The following VKORC1L1 variants were observed in gnomAD, a reference collection of about 807,000 sequenced individuals.
VKORC1L1 encodes the protein vitamin K epoxide reductase complex subunit 1L1.
In VKORC1L1, 2 loss-of-function variants were observed where a neutral mutation model predicts 18.9. The observed-to-expected ratio is 0.11, with a 90% CI of 0.04 to 0.33. VKORC1L1 has a LOEUF of 0.33. Among genes scored for constraint, VKORC1L1 ranks in the 10% least tolerant of loss-of-function variants. VKORC1L1 has a pLI of 1.00. For synonymous variants in VKORC1L1, 96 were observed against 100.0 expected, an observed-to-expected ratio of 0.96 and a Z score of 0.24; for missense variants, 123 against 224.1, an observed-to-expected ratio of 0.55 and a Z score of 2.88.
Position 65,873,260 on chromosome 7 carries a change from TGGCGGC to T in VKORC1L1, c.-103_-98del. The T allele has an allele frequency of 1.1e-6, 1 of 916,454 alleles. No individual in the cohort carries two copies. Among genetic ancestry groups the T allele is most frequent in the Non-Finnish European group, 1.3e-6 (1 of 783,348 alleles). 56.8% of individuals were successfully genotyped at this position (916,454 alleles called of 1,614,324 possible). ...GGCGCGGCGGCGGCGGCGGCGGTGG[TGGCGGC>T]GGCGGCGGAGGCGGCGGTGGCGGCG... is the stretch of plus-strand genomic sequence containing the variant. On this transcript the variant is annotated 5_prime_UTR_variant, in exon 1 of 3. Coordinates refer to ENST00000360768, the MANE Select transcript of VKORC1L1 (RefSeq NM_173517.6).
intron 2 of VKORC1L1, among the ~76,000 whole-genome samples, chr7:65,953,357 T>C (rs1211679414): frequency 6.6e-6 from 1 of 152,198 alleles, no homozygotes; most frequent in Non-Finnish European, 1.5e-5. Flanking sequence ...ATGGGCAGGA[T>C]GTAGTGAAAG....
chr7:65,938,480 T>G (rs1211054244), intron 1 of VKORC1L1, among the ~76,000 whole-genome samples: 2 of 152,182 alleles, frequency 1.3e-5, no homozygotes, highest in African/African-American at 4.8e-5. Context: ...TAATGTGAAT[T>G]TCTGCATTGA....
rs1375225699 is a variant in VKORC1L1 at position 65,873,214 on chromosome 7, A to G, written c.-158A>G. The G allele has an allele frequency of 4.5e-6, 4 of 888,434 alleles. No individual in the cohort carries two copies. The highest frequency in any genetic ancestry group is 5.4e-6 in the Non-Finnish European group (4 of 743,542). The allele number at this position is 888,434 out of a possible 1,614,324, so 55.0% of individuals were successfully genotyped here. A position where few individuals can be genotyped will look rare whatever the true frequency, so the allele number is the denominator to read the frequency against. On this transcript the variant is annotated 5_prime_UTR_variant, in exon 1 of 3. Transcript: ENST00000360768. ...GCGCGCCTGTGGGGGCGGGGCCCGGAGCAGGCCACCGAGCCAATGGGGCGC... is the reference window on the plus strand; with the variant it reads ...GCGCGCCTGTGGGGGCGGGGCCCGGGGCAGGCCACCGAGCCAATGGGGCGC...
intron 1 of VKORC1L1, among the ~76,000 whole-genome samples, chr7:65,895,514 TATACACAC>T (rs1216750398): frequency 2.6e-5 from 2 of 77,470 alleles, no homozygotes; most frequent in South Asian, 5.5e-4. Flanking sequence ...TATATATATA[TATACACAC>T]ACACACACAC....
In VKORC1L1 at chr7:65,955,898, T is replaced by C. The variant is rs1033919966; in HGVS notation, c.*1598T>C. ...AGGGGACGGGCTCTGCTCTGTAAAC[T>C]CAAATGTGTAGAGTCAGCAACAATT... On this transcript the variant is annotated 3_prime_UTR_variant, in exon 3 of 3. Transcript: ENST00000360768. The C allele has an allele frequency of 6.6e-6, 1 of 152,196 alleles. No homozygotes were observed. The highest frequency in any genetic ancestry group is 2.4e-5 in the African/African-American group (1 of 41,448). 9.4% of individuals were successfully genotyped at this position (152,196 alleles called of 1,614,324 possible).
chr7:65,951,600 A>G (rs1267825542), intron 2 of VKORC1L1, among the ~76,000 whole-genome samples: 4 of 151,732 alleles, frequency 2.6e-5, no homozygotes, highest in African/African-American at 7.3e-5. Flanking sequence ...ATATATATAC[A>G]TATATAAAAT....
At chr7:65,896,530 CCCTCCCTCCCTCCCTT>C (rs1372301169) in intron 1 of VKORC1L1, among the ~76,000 whole-genome samples, 2 of 144,430 alleles carry the variant, frequency 1.4e-5, no homozygotes, top group African/African-American at 5.1e-5. Flanking sequence ...TCCTATCTTC[CCCTCCCTCCCTCCCTT>C]CCTCCCTCCT....
chr7:65,933,518 T>C (rs1032955962), intron 1 of VKORC1L1, among the ~76,000 whole-genome samples: 18 of 152,202 alleles, frequency 1.2e-4, no homozygotes, highest in Admixed American at 1.2e-3. Flanking sequence ...CTGGATTTCT[T>C]TTGATTAGTG....
intron 1 of VKORC1L1, among the ~76,000 whole-genome samples, chr7:65,919,306 C>A (rs1323713336): frequency 6.6e-6 from 1 of 152,064 alleles, no homozygotes; most frequent in Admixed American, 6.6e-5. Context: ...CTTTAAATAC[C>A]AAGCTATATG....
intron 1 of VKORC1L1, among the ~76,000 whole-genome samples, chr7:65,902,573 CAG>C (rs1789336345): frequency 6.6e-6 from 1 of 151,358 alleles, no homozygotes; most frequent in South Asian, 2.1e-4. Context: ...AAGGGGAGAA[CAG>C]AAAAAAAAGA....
In VKORC1L1 at chr7:65,932,173, T is replaced by C. The variant is rs116064830; in HGVS notation, c.195-16498T>C. Among the ~76,000 whole-genome samples, 1,400 of 151,878 alleles carry C rather than the reference T, an allele frequency of 9.2e-3. 24 individuals are homozygous for C. The highest frequency in any genetic ancestry group is 0.03 in the African/African-American group (1,261 of 41,424). On this transcript the variant is annotated intron_variant, in intron 1 of 2. Coordinates refer to ENST00000360768, the MANE Select transcript of VKORC1L1 (RefSeq NM_173517.6). Reference sequence around the variant, plus strand: ...AGTGCAGTGGCACGAACTCAGCTCATGGCAACCTCTGCCTCCCGGGTTCCA... The same window carrying C: ...AGTGCAGTGGCACGAACTCAGCTCACGGCAACCTCTGCCTCCCGGGTTCCA...
intron 1 of VKORC1L1, among the ~76,000 whole-genome samples, chr7:65,886,802 G>A (rs1035910163): frequency 1.0e-4 from 15 of 146,854 alleles, no homozygotes; most frequent in Non-Finnish European, 3.0e-5. Flanking sequence ...CTCCCAGAGT[G>A]CTGGGATTAC....
rs149916750 is a variant in VKORC1L1, at chr7:65,890,782, A to G, written c.194+17217A>G. ...TAGAATTGTCAGTCTGTTAAATTAT[A>G]TTAACCATTCTGGTAGGTACATAAT... On this transcript the variant is annotated intron_variant, in intron 1 of 2. Coordinates refer to ENST00000360768, the MANE Select transcript of VKORC1L1 (RefSeq NM_173517.6). Among the ~76,000 whole-genome samples, 39 of 152,178 alleles carry G rather than the reference A, an allele frequency of 2.6e-4. No homozygotes were observed. The East Asian group carries it at 7.5e-3, about 29-fold the overall frequency.
intron 1 of VKORC1L1, among the ~76,000 whole-genome samples, chr7:65,891,018 G>A (rs1040445004): frequency 8.6e-5 from 13 of 151,436 alleles, no homozygotes; most frequent in African/African-American, 1.9e-4. Flanking sequence ...CTATACATGC[G>A]TTTGGCCTGT....
intron 1 of VKORC1L1, among the ~76,000 whole-genome samples, chr7:65,883,408 TC>T: frequency 6.6e-6 from 1 of 152,118 alleles, no homozygotes; most frequent in East Asian, 1.9e-4. Context: ...CCACTTGGCC[TC>T]CCAAAGTGCT....
At chr7:65,895,452 A>AGG (rs1367157024) in intron 1 of VKORC1L1, among the ~76,000 whole-genome samples, 4 of 27,218 alleles carry the variant, frequency 1.5e-4, no homozygotes, top group African/African-American at 6.3e-4. Flanking sequence ...GCCATCTGTG[A>AGG]GAAAAAAAAA....
intron 2 of VKORC1L1, among the ~76,000 whole-genome samples, chr7:65,952,952 AT>A (rs965671421): frequency 3.4e-5 from 5 of 148,662 alleles, no homozygotes; most frequent in Admixed American, 6.7e-5. Flanking sequence ...TGCCCAGCTA[AT>A]TTTTTTTTTC....
chr7:65,870,727 CA>C (rs1344891530), upstream of VKORC1L1, among the ~76,000 whole-genome samples: 5 of 152,252 alleles, frequency 3.3e-5, no homozygotes, highest in East Asian at 9.6e-4. Flanking sequence ...AGGGAAGTTG[CA>C]GGAGTCTACT....
chr7:65,874,877 A>G (rs1562978330), intron 1 of VKORC1L1, among the ~76,000 whole-genome samples: 1 of 152,210 alleles, frequency 6.6e-6, no homozygotes, highest in African/African-American at 2.4e-5. Flanking sequence ...TATTTAGCAT[A>G]CACTCTAAAT....
Sources: allele counts gnomAD v4.1 joint callset (sites outside exome capture counted in the v4.1 genomes callset), GRCh38; gene constraint gnomAD v4.1.1; transcripts MANE v1.5; gene names NCBI Gene and HGNC (gene_info 2026-07-23, HGNC 2026-07-21).